Variants in WNK4 observed in about 807,000 individuals in gnomAD.
The protein encoded by WNK4 is WNK lysine deficient protein kinase 4.
In WNK4, 94 loss-of-function variants were observed where a neutral mutation model predicts 116.2. The ratio of observed to expected loss-of-function variants is 0.81; its 90% CI spans 0.68 to 0.96. The LOEUF is 0.96. Ranked by LOEUF, WNK4 falls within the 40% of genes least tolerant of loss-of-function variation. The probability of loss-of-function intolerance (pLI) is 0.00; values close to 1 mark genes in which losing one functional copy is unlikely to be tolerated. For missense variants in WNK4, 1,542 were observed against 1,650.6 expected (o/e 0.93, Z 1.14); for synonymous variants, 655 against 672.7 (o/e 0.97, Z 0.41).
rs749459405 is a variant in WNK4 at position 42,780,777 on chromosome 17, C to A, written c.79C>A (p.Pro27Thr). The change falls in exon 1 of 19, where the codon CCT (proline) becomes ACT (threonine). Residue 27 changes from proline to threonine, a missense_variant. Around this residue, in one of 7 missense-constraint regions of WNK4, gnomAD observed 243 missense variants for 217.8 expected, o/e 1.12. Transcript: ENST00000246914. Reference sequence around the variant, plus strand: ...CGACCTGGCCCTGCGGCCCCCGCCTCCTCTTGGCACCGCGGGGCAGCCCCG... The same window carrying A: ...CGACCTGGCCCTGCGGCCCCCGCCTACTCTTGGCACCGCGGGGCAGCCCCG... ...EADLALRPPP[P>T]LGTAGQPRLG... The A allele has an allele frequency of 6.2e-7, 1 of 1,606,276 alleles. No individual in the cohort carries two copies. Among genetic ancestry groups the A allele is most frequent in the South Asian group, 1.1e-5 (1 of 90,998 alleles).
In WNK4 at chr17:42,794,895, C is replaced by T. The variant is rs56226218; in HGVS notation, c.2474C>T (p.Pro825Leu). The T allele has an allele frequency of 4.6e-3, 7,482 of 1,612,720 alleles. 336 individuals are homozygous for T. The African/African-American group carries it at 0.087, about 19-fold the overall frequency. The change falls in exon 14 of 19, where the codon CCA becomes CTA. Residue 825 changes from proline (P) to leucine (L), a missense_variant. Transcript: ENST00000246914. ...NPFSPGTPIS[P>L]GPIFPITSPP... Reference sequence around the variant, plus strand: ...TTTTCCCCTGGAACCCCCATTTCCCCAGGTCCCATCTTCCCCATCACTTCT... The same window carrying T: ...TTTTCCCCTGGAACCCCCATTTCCCTAGGTCCCATCTTCCCCATCACTTCT...
intron 16 of WNK4, 45 bp downstream of exon 16, chr17:42,796,078 G>A: frequency 1.2e-6 from 2 of 1,614,022 alleles, no homozygotes; most frequent in Non-Finnish European, 1.7e-6. Context: ...ACCTGGGAGA[G>A]CAAGGTGTGT....
intron 11 of WNK4, among the ~76,000 whole-genome samples, 191 bp downstream of exon 11, chr17:42,788,988 T>C (rs2054582356): frequency 6.6e-6 from 1 of 152,130 alleles, no homozygotes; most frequent in African/African-American, 2.4e-5. Context: ...CCAGTGAGGT[T>C]TGGCTTCTCA....
Position 42,781,096 on chromosome 17 carries a change from G to A in WNK4, c.398G>A (p.Gly133Asp). 1 of 1,613,412 alleles carries A rather than the reference G, an allele frequency of 6.2e-7. No homozygotes were observed. Among genetic ancestry groups the A allele is most frequent in the Admixed American group, 1.7e-5 (1 of 59,970 alleles). The change falls in exon 1 of 19, where the codon GGC (glycine) becomes GAC (aspartate). Residue 133 changes from glycine to aspartate, a missense_variant. Gly to Asp is a moderately conservative substitution (Grantham distance 94). Around this residue, in one of 7 missense-constraint regions of WNK4, gnomAD observed 243 missense variants for 217.8 expected, o/e 1.12. Coordinates refer to ENST00000246914, the MANE Select transcript of WNK4 (RefSeq NM_032387.5). ...ARPELPDSAV[G>D]PGSREPLRVP... ...CCCGAGCTCCCGGACTCTGCAGTGGGCCCGGGGTCCAGGGAGCCGCTAAGG... is the reference window on the plus strand; with the variant it reads ...CCCGAGCTCCCGGACTCTGCAGTGGACCCGGGGTCCAGGGAGCCGCTAAGG...
At chr17:42,783,035 C>A in intron 2 of WNK4, 105 bp downstream of exon 2, 1 of 1,433,978 alleles carries the variant, frequency 7.0e-7, no homozygotes. Context: ...AGGTGTAAAA[C>A]CAGGTTCACC....
chr17:42,794,282 A>G (rs2054637662), intron 12 of WNK4: 2 of 404,492 alleles, frequency 4.9e-6, no homozygotes, highest in Non-Finnish European at 9.0e-6. Context: ...TGTGGAGAGA[A>G]GTTGCAAGAA....
At chr17:42,791,139 C>T (rs1205917157) in intron 11 of WNK4, among the ~76,000 whole-genome samples, 1 of 152,172 alleles carries the variant, frequency 6.6e-6, no homozygotes, top group Admixed American at 6.6e-5. Flanking sequence ...CCACCCCATG[C>T]ACCCAGAGTC....
At position 42,788,416 on chromosome 17, in the gene WNK4, G is replaced by A; in HGVS notation, c.2040+9G>A. 6.2e-7 allele frequency: 1 copy of A among 1,611,144 alleles called. No homozygotes were observed. Among genetic ancestry groups the A allele is most frequent in the Admixed American group, 1.7e-5 (1 of 59,952 alleles). On this transcript the variant is annotated intron_variant, in intron 10 of 18. Transcript: ENST00000246914. ...GGCTGCGGGTCACTAGTGTAAGGAT[G>A]GAGTACAGGAGATAGAGAGTAACCT...
In WNK4 at chr17:42,780,765, C is replaced by A; in HGVS notation, c.67C>A (p.Arg23=). 1 of 1,607,028 alleles carries A rather than the reference C, an allele frequency of 6.2e-7. No homozygotes were observed. Among genetic ancestry groups the A allele is most frequent in the South Asian group, 1.1e-5 (1 of 91,028 alleles). The change falls in exon 1 of 19, where the codon CGG becomes AGG. Residue 23 remains arginine (R), a synonymous_variant. Coordinates refer to ENST00000246914, the MANE Select transcript of WNK4 (RefSeq NM_032387.5). ...MSQTEADLAL[R]PPPPLGTAGQ... ...CCAGACTGAGGCCGACCTGGCCCTG[C>A]GGCCCCCGCCTCCTCTTGGCACCGC...
At chr17:42,789,613 G>A (rs369140065) in intron 11 of WNK4, among the ~76,000 whole-genome samples, 1 of 150,522 alleles carries the variant, frequency 6.6e-6, no homozygotes, top group Admixed American at 6.6e-5. Context: ...GCAGTGAGCC[G>A]AGATCACACC....
In WNK4 at chr17:42,793,712, G is replaced by A. The variant is rs200807433; in HGVS notation, c.2278G>A (p.Asp760Asn). The A allele has an allele frequency of 2.5e-6, 4 of 1,614,136 alleles. No individual in the cohort carries two copies. The highest frequency in any genetic ancestry group is 3.4e-6 in the Non-Finnish European group (4 of 1,179,988). Reference sequence around the variant, plus strand: ...CACTGGCCCCATGGAGGCTGCTGAAGACACCCTAAGCCCCCAGGTCAGACC... The same window carrying A: ...CACTGGCCCCATGGAGGCTGCTGAAAACACCCTAAGCCCCCAGGTCAGACC... Reference protein sequence around the residue: ...RDTGPMEAAEDTLSPQEEPAP... With the variant: ...RDTGPMEAAENTLSPQEEPAP... The change falls in exon 12 of 19, where the codon GAC (aspartate) becomes AAC (asparagine). Residue 760 changes from aspartate (D) to asparagine (N), a missense_variant. Physicochemically the swap from Asp to Asn is conservative, Grantham distance 23. Around this residue, in one of 7 missense-constraint regions of WNK4, gnomAD observed 808 missense variants for 873.6 expected, o/e 0.92. Transcript: ENST00000246914.
At chr17:42,789,416 GGAGGCC>G (rs2054585916) in intron 11 of WNK4, among the ~76,000 whole-genome samples, 1 of 152,156 alleles carries the variant, frequency 6.6e-6, no homozygotes, top group Admixed American at 6.6e-5. Context: ...CAGCACTTTG[GGAGGCC>G]GAGGCCGAGG....
intron 2 of WNK4, 96 bp downstream of exon 2, chr17:42,783,026 G>A: frequency 6.7e-7 from 1 of 1,501,034 alleles, no homozygotes; most frequent in Non-Finnish European, 9.0e-7. Context: ...CTAATATCCA[G>A]GTGTAAAACC....
chr17:42,788,391 G>T lies in WNK4; in HGVS notation c.2024G>T (p.Arg675Leu). Residue 675 changes from arginine (R) to leucine (L), a missense_variant, in exon 10 of 19, where the codon CGG (arginine) becomes CTG (leucine). Physicochemically the swap from Arg to Leu is moderately radical, Grantham distance 102. This residue lies in a region of WNK4 where 808 missense variants were observed against 873.6 expected (regional missense o/e 0.92). Transcript: ENST00000246914. ...AATCTCCGGCGCAGACCCCGATCCCGGCTGCGGGTCACTAGTGTAAGGATG... is the reference window on the plus strand; with the variant it reads ...AATCTCCGGCGCAGACCCCGATCCCTGCTGCGGGTCACTAGTGTAAGGATG... The part of the protein sequence containing the change: ...GRNLRRRPRS[R>L]LRVTSVSDQN... The T allele has an allele frequency of 1.2e-6, 2 of 1,612,818 alleles. No homozygotes were observed. Among genetic ancestry groups the T allele is most frequent in the South Asian group, 1.1e-5 (1 of 91,024 alleles).
Position 42,785,265 on chromosome 17 carries a change from G to T in WNK4, c.1260-1G>T. 6.2e-7 allele frequency: 1 copy of T among 1,609,088 alleles called. No individual in the cohort carries two copies. The highest frequency in any genetic ancestry group is 8.5e-7 in the Non-Finnish European group (1 of 1,178,094). On this transcript the variant is annotated splice_acceptor_variant, in intron 5 of 18. Transcript: ENST00000246914. LOFTEE classifies it high-confidence loss of function. The stretch of plus-strand genomic sequence containing the variant: ...TCGGCTCACCCACGCGTCACCCTCA[G>T]GTTCACCATCCAGGACCTCCTGGCC...
In WNK4 at chr17:42,796,266, G is replaced by T; in HGVS notation, c.3575G>T (p.Gly1192Val). 1 of 1,610,304 alleles carries T rather than the reference G, an allele frequency of 6.2e-7. No homozygotes were observed. Among genetic ancestry groups the T allele is most frequent in the Non-Finnish European group, 8.5e-7 (1 of 1,178,644 alleles). The change falls in exon 17 of 19, where the codon GGC becomes GTC. Residue 1192 changes from glycine (G) to valine (V), a missense_variant. By Grantham distance (109) the Gly-to-Val change is moderately radical. Around this residue, in one of 7 missense-constraint regions of WNK4, gnomAD observed 148 missense variants for 157.2 expected, o/e 0.94. Transcript: ENST00000246914. ...AGCCGCCAGCGCCGCCTCTCCAAGG[G>T]CAGCTTCCCCACCTCCCGCCGCAAC... ...LSSRQRRLSKGSFPTSRRNSL... is the reference protein window; with the variant it reads ...LSSRQRRLSKVSFPTSRRNSL...
At chr17:42,785,025 G>T in intron 4 of WNK4, 72 bp from the exon 5 acceptor site, 1 of 1,479,908 alleles carries the variant, frequency 6.8e-7, no homozygotes. Context: ...AGTGGAGTAA[G>T]GGGTGGGGGG....
At position 42,788,064 on chromosome 17, in the gene WNK4, G is replaced by C. The variant is rs552309174; in HGVS notation, c.1864-66G>C. 53 of 1,600,324 alleles carry C rather than the reference G, an allele frequency of 3.3e-5. No individual in the cohort carries two copies. The South Asian group carries it at 5.3e-4, about 16-fold the overall frequency. On this transcript the variant is annotated intron_variant, in intron 8 of 18. Coordinates refer to ENST00000246914, the MANE Select transcript of WNK4 (RefSeq NM_032387.5). ...TCCCTAATATCCTCCCAGCATCCTT[G>C]ACACCATCTCCCTAGATCTCAACAG...
Position 42,795,618 on chromosome 17 carries a change from C to T in WNK4, c.3023-7C>T. ...TTCCTCATGCCTTCTTCCTCGTCGCCCTACAGAGGGAAAGCCGCAGCTTGT... is the reference window on the plus strand; with the variant it reads ...TTCCTCATGCCTTCTTCCTCGTCGCTCTACAGAGGGAAAGCCGCAGCTTGT... On this transcript the variant is annotated splice_region_variant and splice_polypyrimidine_tract_variant and intron_variant, in intron 15 of 18. Coordinates refer to ENST00000246914, the MANE Select transcript of WNK4 (RefSeq NM_032387.5). The T allele has an allele frequency of 6.2e-7, 1 of 1,614,006 alleles. No individual in the cohort carries two copies. The highest frequency in any genetic ancestry group is 8.5e-7 in the Non-Finnish European group (1 of 1,180,040).
Sources: gnomAD v4.1 joint callset for allele counts (sites outside exome capture counted in the v4.1 genomes callset) on GRCh38, gnomAD v4.1.1 for gene constraint, gnomAD v4.1.1 regional missense constraint, MANE v1.5 for transcripts, NCBI Gene and HGNC (gene_info 2026-07-23, HGNC 2026-07-21) for gene names.